KCNQ4: variants seen among roughly 807,000 people sequenced by gnomAD.
KCNQ4 encodes potassium voltage-gated channel subfamily KQT member 4.
KCNQ4 carries 31 observed loss-of-function variants against 72.6 expected under a neutral mutation model. That is an observed-to-expected ratio of 0.43 (90% CI 0.32 to 0.58). The LOEUF is 0.58. KCNQ4 is among the 20% of genes least tolerant of loss of function. KCNQ4 has a pLI of 0.08. For missense variants in KCNQ4, 869 were observed against 962.6 expected (o/e 0.90, Z 1.29); for synonymous variants, 405 against 403.7 (o/e 1.00, Z -0.04).
chr1:40,818,968 G>T, intron 4 of KCNQ4: 1 of 581,870 alleles, frequency 1.7e-6, no homozygotes. Context: ...GGGACCACTC[G>T]TACCACAAAG....
chr1:40,824,096 G>T lies in KCNQ4; in HGVS notation c.1131-1G>T. ...GCCACTGATGGTGCCCTCTCCTGCAGAGAGCTGGCCCTCTTGTTTGAGCAC... is the reference window on the plus strand; with the variant it reads ...GCCACTGATGGTGCCCTCTCCTGCATAGAGCTGGCCCTCTTGTTTGAGCAC... On this transcript the variant is annotated splice_acceptor_variant, in intron 8 of 13. Transcript: ENST00000347132. LOFTEE classifies it high-confidence loss of function. The T allele has an allele frequency of 1.3e-6, 2 of 1,551,698 alleles. No individual in the cohort carries two copies. Among genetic ancestry groups the T allele is most frequent in the Non-Finnish European group, 1.7e-6 (2 of 1,147,964 alleles).
Position 40,838,610 on chromosome 1 carries a change from A to G in KCNQ4, c.*87A>G. The G allele has an allele frequency of 8.4e-7, 1 of 1,185,896 alleles. No homozygotes were observed. The allele number at this position is 1,185,896 out of a possible 1,614,324, so 73.5% of individuals were successfully genotyped here. A position where few individuals can be genotyped will look rare whatever the true frequency, so the allele number is the denominator to read the frequency against. ...TCTGAGGCCTCCGGACTCCTCTCGT[A>G]CTTGAACTCACTCCCTCACGGGGAG... On this transcript the variant is annotated 3_prime_UTR_variant, in exon 14 of 14. Transcript: ENST00000347132.
Position 40,836,347 on chromosome 1 carries a change from A to G in KCNQ4, c.1745+1249A>G, listed in dbSNP as rs148169021. ...GGAAAAATCGAGTTGCCATTTGTTG[A>G]CATGGAGAAGGCAATGAATGGAGCA... On this transcript the variant is annotated intron_variant, in intron 12 of 13. Transcript: ENST00000347132. 3.1e-3 allele frequency among the ~76,000 whole-genome samples: 478 copies of G among 152,326 alleles called. 2 individuals carry two copies. Among genetic ancestry groups the G allele is most frequent in the Non-Finnish European group, 4.7e-3 (320 of 68,030 alleles).
In KCNQ4 at chr1:40,817,236, TAACC is replaced by T; in HGVS notation, c.315-28_315-25del. The T allele has an allele frequency of 2.5e-6, 4 of 1,597,602 alleles. No individual in the cohort carries two copies. Among genetic ancestry groups the T allele is most frequent in the Non-Finnish European group, 2.6e-6 (3 of 1,166,328 alleles). ...TGGCTGTCCTGTCCCTCCAACAATC[TAACC>T]CTCTCCCTCATGTTGTAATTGCAGA... On this transcript the variant is annotated intron_variant, in intron 1 of 13. Coordinates refer to ENST00000347132, the MANE Select transcript of KCNQ4 (RefSeq NM_004700.4). The surrounding 1 kb of genome is among the most constrained non-coding windows in gnomAD (Gnocchi z 5.5).
rs745335497 is a variant in KCNQ4, at chr1:40,824,262, G to T, written c.1292+4G>T. On this transcript the variant is annotated splice_donor_region_variant and intron_variant, in intron 9 of 13. Coordinates refer to ENST00000347132, the MANE Select transcript of KCNQ4 (RefSeq NM_004700.4). ...CCTCCTTCTGCCCTGGGGAAAGGTA[G>T]GGGCCCCGTGGGGCTGCCACCTCCT... 1.2e-5 allele frequency: 19 copies of T among 1,604,620 alleles called. No homozygotes were observed. The Admixed American group carries it at 2.9e-4, about 24-fold the overall frequency.
At chr1:40,822,845 T>C (rs987702164) in intron 8 of KCNQ4, among the ~76,000 whole-genome samples, 1 of 152,142 alleles carries the variant, frequency 6.6e-6, no homozygotes, top group Non-Finnish European at 1.5e-5. Context: ...TGAACCCCCA[T>C]GTAGGAATAT....
In KCNQ4 at chr1:40,826,293, T is replaced by C. The variant is rs79743711; in HGVS notation, c.1292+2035T>C. Among the ~76,000 whole-genome samples the C allele has an allele frequency of 9.9e-3, 1,513 of 152,214 alleles. 25 individuals are homozygous for C. Among genetic ancestry groups the C allele is most frequent in the African/African-American group, 0.035 (1,435 of 41,520 alleles). ...GGGCCAGCACCTCTCCTCTTCAGGG[T>C]TTTGCAATGAGTTTATCAAACCATG... On this transcript the variant is annotated intron_variant, in intron 9 of 13. Transcript: ENST00000347132.
At chr1:40,814,679 G>A (rs1648030539) in intron 1 of KCNQ4, among the ~76,000 whole-genome samples, 1 of 151,414 alleles carries the variant, frequency 6.6e-6, no homozygotes, top group African/African-American at 2.4e-5. Flanking sequence ...ACTCCAGCCT[G>A]GTTGACAGAG....
At chr1:40,811,457 A>T (rs1308154163) in intron 1 of KCNQ4, among the ~76,000 whole-genome samples, 1 of 152,228 alleles carries the variant, frequency 6.6e-6, no homozygotes, top group Admixed American at 6.5e-5. Context: ...GTAGAAAGGC[A>T]TATTTTCCAC....
chr1:40,786,265 A>C (rs1226438843), intron 1 of KCNQ4, among the ~76,000 whole-genome samples: 1 of 152,112 alleles, frequency 6.6e-6, no homozygotes, highest in African/African-American at 2.4e-5. Flanking sequence ...TAGGGCTCTG[A>C]GGTGGGGTCC....
chr1:40,798,569 C>G (rs1280993378), intron 1 of KCNQ4, among the ~76,000 whole-genome samples: 1 of 152,250 alleles, frequency 6.6e-6, no homozygotes, highest in Non-Finnish European at 1.5e-5. Flanking sequence ...GTGACTTGCC[C>G]AAGGTCATTC....
At chr1:40,818,895 A>G in intron 4 of KCNQ4, 3 of 623,296 alleles carry the variant, frequency 4.8e-6, no homozygotes, top group Non-Finnish European at 5.8e-6. Context: ...TCCGGACCGG[A>G]TCAGGGGGCG....
intron 1 of KCNQ4, among the ~76,000 whole-genome samples, chr1:40,812,939 A>G (rs113778171): frequency 4.6e-5 from 7 of 152,326 alleles, no homozygotes; most frequent in African/African-American, 1.7e-4. Flanking sequence ...GAGAGTGGAG[A>G]TGAGGCCATT....
chr1:40,813,747 TG>T (rs1455286027), intron 1 of KCNQ4, among the ~76,000 whole-genome samples: 60 of 152,050 alleles, frequency 3.9e-4, no homozygotes, highest in Admixed American at 1.2e-3. Context: ...TTTTTGTTTT[TG>T]TTTTTGTTTT....
chr1:40,788,385 C>T lies in KCNQ4; in HGVS notation c.314+3978C>T, dbSNP rs948435541. On this transcript the variant is annotated intron_variant, in intron 1 of 13. Coordinates refer to ENST00000347132, the MANE Select transcript of KCNQ4 (RefSeq NM_004700.4). The surrounding 1 kb of genome is among the most constrained non-coding windows in gnomAD (Gnocchi z 4.5). ...CTTCCTTGTCCAGGACTGTTCGCTC[C>T]GTTCCTAGTGGCCACCGGGCTTGGC... Among the ~76,000 whole-genome samples the T allele has an allele frequency of 2.6e-5, 4 of 152,188 alleles. No homozygotes were observed. Among genetic ancestry groups the T allele is most frequent in the Admixed American group, 6.5e-5 (1 of 15,278 alleles).
chr1:40,828,660 A>G (rs1290828479), intron 9 of KCNQ4, among the ~76,000 whole-genome samples: 1 of 152,238 alleles, frequency 6.6e-6, no homozygotes, highest in Non-Finnish European at 1.5e-5. Context: ...CACCACACAC[A>G]GTGGCTGAGA....
At chr1:40,835,902 G>A (rs1396397697) in intron 12 of KCNQ4, among the ~76,000 whole-genome samples, 1 of 151,960 alleles carries the variant, frequency 6.6e-6, no homozygotes, top group Non-Finnish European at 1.5e-5. Flanking sequence ...GCCTGGTGTG[G>A]CTGCACTGGA....
In KCNQ4 at chr1:40,833,133, C is replaced by T. The variant is rs761239326; in HGVS notation, c.1613+20C>T. On this transcript the variant is annotated intron_variant, in intron 11 of 13. Transcript: ENST00000347132. ...CATCAGGTAAGACTGAGGCCTGAGGCGAGCACCCCCCTCCGTGTGCCACCC... is the reference window on the plus strand; with the variant it reads ...CATCAGGTAAGACTGAGGCCTGAGGTGAGCACCCCCCTCCGTGTGCCACCC... The T allele has an allele frequency of 1.8e-5, 28 of 1,574,170 alleles. No homozygotes were observed. The highest frequency in any genetic ancestry group is 1.3e-4 in the East Asian group (6 of 44,638).
chr1:40,830,009 G>A (rs3767946), intron 9 of KCNQ4, among the ~76,000 whole-genome samples: 27,326 of 152,240 alleles, frequency 0.18, 2,756 homozygotes, highest in Admixed American at 0.31. Flanking sequence ...TTTGGGGAAC[G>A]TGGTGGGGAG....
Sources: gnomAD v4.1 joint callset for allele counts (sites outside exome capture counted in the v4.1 genomes callset) on GRCh38, gnomAD v4.1.1 for gene constraint, Gnocchi (gnomAD v3.1) non-coding constraint, MANE v1.5 for transcripts, NCBI Gene and HGNC (gene_info 2026-07-23, HGNC 2026-07-21) for gene names.